The following STEAP3 variants were observed in gnomAD, a reference collection of about 807,000 sequenced individuals.
STEAP3 encodes the protein metalloreductase STEAP3.
A neutral mutation model predicts 34.9 loss-of-function variants in STEAP3; 35 were observed. The observed-to-expected ratio is 1.00, with a 90% CI of 0.76 to 1.33. STEAP3 has a LOEUF of 1.33. Among genes scored for constraint, STEAP3 ranks in the 40% most tolerant of loss-of-function variants. The probability of loss-of-function intolerance (pLI) is 0.00; values close to 1 mark genes in which losing one functional copy is unlikely to be tolerated. For missense variants in STEAP3, 652 were observed against 667.6 expected (o/e 0.98, Z 0.26); for synonymous variants, 281 against 301.6 (o/e 0.93, Z 0.71).
At chr2:119,236,979 C>T (rs575890979) in intron 2 of STEAP3, among the ~76,000 whole-genome samples, 5 of 152,202 alleles carry the variant, frequency 3.3e-5, no homozygotes, top group African/African-American at 1.2e-4. Context: ...ATTATATAAG[C>T]CTCACTTGTC....
chr2:119,256,060 T>C (rs1378424248), intron 5 of STEAP3, among the ~76,000 whole-genome samples: 1 of 152,162 alleles, frequency 6.6e-6, no homozygotes, highest in Non-Finnish European at 1.5e-5. Flanking sequence ...TATCCTGCCA[T>C]TGTAACAGGG....
chr2:119,262,804 A>G (rs1006121097), intron 5 of STEAP3, among the ~76,000 whole-genome samples: 3 of 152,222 alleles, frequency 2.0e-5, no homozygotes, highest in Admixed American at 6.5e-5. Context: ...ATCCGTGTGA[A>G]TTGGTGGGTC....
chr2:119,244,984 C>T (rs1473083591), intron 2 of STEAP3: 2 of 160,528 alleles, frequency 1.2e-5, no homozygotes, highest in Non-Finnish European at 2.8e-5. Context: ...AGCTGTTCAC[C>T]ATGCTTCAGG....
At chr2:119,251,664 G>A (rs1419990700) in intron 4 of STEAP3, among the ~76,000 whole-genome samples, 1 of 152,088 alleles carries the variant, frequency 6.6e-6, no homozygotes, top group Non-Finnish European at 1.5e-5. Flanking sequence ...CAGTGTCCTT[G>A]GGATAATGGT....
At chr2:119,257,790 A>G (rs1677819654) in intron 5 of STEAP3, 2 of 1,253,778 alleles carry the variant, frequency 1.6e-6, no homozygotes, top group East Asian at 6.2e-5. Flanking sequence ...ACACCAGGCT[A>G]TGGGGACAGC....
intron 4 of STEAP3, chr2:119,248,451 A>C: frequency 1.4e-5 from 7 of 518,258 alleles, no homozygotes; most frequent in East Asian, 6.4e-5. Context: ...CTTAAACAAA[A>C]TACAGCAGTG....
At chr2:119,226,759 C>T (rs1679053167) in intron 1 of STEAP3, among the ~76,000 whole-genome samples, 1 of 152,162 alleles carries the variant, frequency 6.6e-6, no homozygotes, top group Non-Finnish European at 1.5e-5. Flanking sequence ...ACCATCCTGC[C>T]TGAAATGCCA....
intron 1 of STEAP3, among the ~76,000 whole-genome samples, chr2:119,229,267 C>T (rs1267512817): frequency 3.3e-5 from 5 of 152,126 alleles, no homozygotes; most frequent in South Asian, 2.1e-4. Flanking sequence ...CTCAGCCTCC[C>T]GAGCAGCTGG....
At chr2:119,252,861 C>T (rs2104835601) in intron 4 of STEAP3, among the ~76,000 whole-genome samples, 1 of 151,836 alleles carries the variant, frequency 6.6e-6, no homozygotes, top group South Asian at 2.1e-4. Flanking sequence ...AGGAAAAAAA[C>T]AAGGCATTTT....
chr2:119,236,819 C>T (rs762516844), intron 2 of STEAP3, among the ~76,000 whole-genome samples: 55 of 152,146 alleles, frequency 3.6e-4, no homozygotes, highest in Non-Finnish European at 6.8e-4. Flanking sequence ...TGGGGTGGAC[C>T]TCAGACCCCA....
intron 3 of STEAP3, among the ~76,000 whole-genome samples, chr2:119,247,067 GC>G (rs1437853808): frequency 6.6e-6 from 1 of 152,182 alleles, no homozygotes; most frequent in Non-Finnish European, 1.5e-5. Flanking sequence ...TGTCAACAAG[GC>G]CCACGGGGTG....
intron 2 of STEAP3, among the ~76,000 whole-genome samples, chr2:119,231,387 A>C: frequency 1.0e-5 from 1 of 96,806 alleles, no homozygotes; most frequent in African/African-American, 3.1e-5. Flanking sequence ...GTGTGTGTTT[A>C]AGGATGTTAA....
intron 2 of STEAP3, among the ~76,000 whole-genome samples, chr2:119,237,411 C>T (rs1427715966): frequency 6.6e-6 from 1 of 152,100 alleles, no homozygotes; most frequent in Non-Finnish European, 1.5e-5. Flanking sequence ...AAGCTGCTCT[C>T]GAGGAAACTA....
Position 119,264,061 on chromosome 2 carries a change from T to G in STEAP3, c.*723T>G, listed in dbSNP as rs1472156989. 2 of 153,864 alleles carry G rather than the reference T, an allele frequency of 1.3e-5. No homozygotes were observed. Among genetic ancestry groups the G allele is most frequent in the African/African-American group, 4.8e-5 (2 of 41,446 alleles). 9.5% of individuals were successfully genotyped at this position (153,864 alleles called of 1,614,324 possible). On this transcript the variant is annotated 3_prime_UTR_variant, in exon 6 of 6. Coordinates refer to ENST00000393110, the MANE Select transcript of STEAP3 (RefSeq NM_182915.3). ...AGTCACCATAGAGCCTGCAAATGGA[T>G]CCTCCTGTGAGAGTGACGTCACCTC...
chr2:119,257,002 C>T (rs978073317), intron 5 of STEAP3, among the ~76,000 whole-genome samples: 4 of 152,166 alleles, frequency 2.6e-5, no homozygotes, highest in African/African-American at 9.7e-5. Flanking sequence ...TACCAACCAC[C>T]GATTTCTGAG....
rs79760640 is a variant in STEAP3, at chr2:119,243,173, G to A, written c.23-2316G>A. ...TCCCTGTTATCCTGTGACAGGCAGG[G>A]CCATGTTTCAAAACCATGTTAAAGA... is the stretch of plus-strand genomic sequence containing the variant. On this transcript the variant is annotated intron_variant, in intron 2 of 5. Transcript: ENST00000393110. 6.4e-4 allele frequency among the ~76,000 whole-genome samples: 98 copies of A among 152,312 alleles called. 4 individuals are homozygous for A. The East Asian group carries it at 0.018, about 27-fold the overall frequency.
intron 2 of STEAP3, among the ~76,000 whole-genome samples, chr2:119,233,583 T>C (rs1677006615): frequency 6.6e-6 from 1 of 152,164 alleles, no homozygotes; most frequent in Admixed American, 6.5e-5. Context: ...CTTAAATCAT[T>C]CAAACCACAA....
chr2:119,240,457 G>A (rs1456130395), intron 2 of STEAP3, among the ~76,000 whole-genome samples: 1 of 152,198 alleles, frequency 6.6e-6, no homozygotes, highest in Non-Finnish European at 1.5e-5. Flanking sequence ...ACCCTCCGTG[G>A]CCACAGCCTG....
intron 1 of STEAP3, among the ~76,000 whole-genome samples, chr2:119,224,673 G>A (rs1270601620): frequency 6.6e-6 from 1 of 152,202 alleles, no homozygotes; most frequent in Admixed American, 6.5e-5. Flanking sequence ...GGCACAGAGA[G>A]GCCTCCCAAA....
Sources: allele counts gnomAD v4.1 joint callset (sites outside exome capture counted in the v4.1 genomes callset), GRCh38; gene constraint gnomAD v4.1.1; transcripts MANE v1.5; gene names NCBI Gene and HGNC (gene_info 2026-07-23, HGNC 2026-07-21).